LRMDA: variants seen among roughly 807,000 people sequenced by gnomAD.
LRMDA encodes the protein leucine-rich melanocyte differentiation-associated protein.
LRMDA carries 18 observed loss-of-function variants against 29.8 expected under a neutral mutation model. The ratio of observed to expected loss-of-function variants is 0.60; its 90% CI spans 0.42 to 0.90. LRMDA has a LOEUF of 0.90. Ranked by LOEUF, LRMDA falls within the 40% of genes least tolerant of loss-of-function variation. The pLI is 0.00. For synonymous variants in LRMDA, 125 were observed against 109.4 expected, an observed-to-expected ratio of 1.14 and a Z score of -0.89; for missense variants, 273 against 273.9, an observed-to-expected ratio of 1.00 and a Z score of 0.02.
At chr10:75,597,549 A>G (rs891155301) in intron 2 of LRMDA, among the ~76,000 whole-genome samples, 7 of 152,174 alleles carry the variant, frequency 4.6e-5, no homozygotes, top group Non-Finnish European at 7.3e-5. Context: ...TGAGCACGGG[A>G]GAGAAAAAAG....
Position 76,012,184 on chromosome 10 carries a change from G to A in LRMDA, c.132-23824G>A, listed in dbSNP as rs551875640. ...AACATTGGGCTTCTGTTTACCGGTT[G>A]TTCAAGCCCTTGGTCTGCACTGGGT... On this transcript the variant is annotated intron_variant, in intron 2 of 6. Transcript: ENST00000611255. Among the ~76,000 whole-genome samples, 13 of 152,320 alleles carry A rather than the reference G, an allele frequency of 8.5e-5. No homozygotes were observed. The South Asian group carries it at 2.7e-3, about 32-fold the overall frequency.
At chr10:76,348,333 A>C (rs1160203547) in intron 6 of LRMDA, among the ~76,000 whole-genome samples, 1 of 152,202 alleles carries the variant, frequency 6.6e-6, no homozygotes, top group African/African-American at 2.4e-5. Flanking sequence ...GTAGAGCTAG[A>C]AGGATGTATT....
chr10:76,389,981 T>G (rs1841703869), intron 6 of LRMDA, among the ~76,000 whole-genome samples: 1 of 152,170 alleles, frequency 6.6e-6, no homozygotes, highest in African/African-American at 2.4e-5. Context: ...GAGACCTTGT[T>G]TCCGATTCTT....
chr10:76,202,881 C>T (rs1441336975), intron 5 of LRMDA, among the ~76,000 whole-genome samples: 1 of 152,072 alleles, frequency 6.6e-6, no homozygotes, highest in African/African-American at 2.4e-5. Flanking sequence ...TGACAGTTAT[C>T]CCTGTTCCCT....
intron 5 of LRMDA, among the ~76,000 whole-genome samples, chr10:76,260,612 G>C (rs575472206): frequency 6.6e-6 from 1 of 152,032 alleles, no homozygotes; most frequent in Non-Finnish European, 1.5e-5. Flanking sequence ...CTGTTTTTAG[G>C]ATTCAATCTT....
intron 2 of LRMDA, among the ~76,000 whole-genome samples, chr10:75,976,375 C>G (rs1186066767): frequency 6.6e-6 from 1 of 152,230 alleles, no homozygotes; most frequent in Non-Finnish European, 1.5e-5. Context: ...ACTCATATAA[C>G]CCACTTATAA....
At chr10:76,292,204 A>G (rs1197663342) in intron 5 of LRMDA, among the ~76,000 whole-genome samples, 3 of 152,182 alleles carry the variant, frequency 2.0e-5, no homozygotes, top group African/African-American at 7.2e-5. Flanking sequence ...CTATCTGTAC[A>G]ACATATATTA....
At chr10:76,483,210 T>C (rs1256456918) in intron 6 of LRMDA, among the ~76,000 whole-genome samples, 1 of 151,998 alleles carries the variant, frequency 6.6e-6, no homozygotes, top group African/African-American at 2.4e-5. Flanking sequence ...TTAATTTTAA[T>C]GTAGCACAAT....
intron 6 of LRMDA, among the ~76,000 whole-genome samples, chr10:76,339,220 A>C (rs1372066470): frequency 6.6e-6 from 1 of 151,760 alleles, no homozygotes; most frequent in African/African-American, 2.4e-5. Context: ...ACCATAACTA[A>C]GTCAAATTAG....
intron 2 of LRMDA, among the ~76,000 whole-genome samples, chr10:75,814,591 AT>A (rs140464375): frequency 0.16 from 24,539 of 152,144 alleles, 2,172 homozygotes; most frequent in Admixed American, 0.22. Context: ...CACCTGAAAC[AT>A]TCATGTTCTT....
At chr10:76,381,636 A>C (rs910972302) in intron 6 of LRMDA, among the ~76,000 whole-genome samples, 1 of 152,174 alleles carries the variant, frequency 6.6e-6, no homozygotes, top group African/African-American at 2.4e-5. Flanking sequence ...GTGCTTACAA[A>C]AGAATATCCC....
intron 2 of LRMDA, among the ~76,000 whole-genome samples, chr10:75,666,400 G>A (rs147019013): frequency 2.0e-5 from 3 of 148,862 alleles, no homozygotes; most frequent in Admixed American, 6.7e-5. Context: ...TTTGAATTTT[G>A]TATATAGTTA....
intron 2 of LRMDA, among the ~76,000 whole-genome samples, chr10:75,963,175 C>G (rs1312126491): frequency 6.6e-6 from 1 of 152,100 alleles, no homozygotes; most frequent in African/African-American, 2.4e-5. Context: ...TGACAGGAAC[C>G]AAAGTTTACT....
chr10:75,679,542 G>T (rs1210685663), intron 2 of LRMDA, among the ~76,000 whole-genome samples: 1 of 152,080 alleles, frequency 6.6e-6, no homozygotes, highest in Admixed American at 6.6e-5. Context: ...ATTATTCTGG[G>T]GCTGGCCATG....
intron 6 of LRMDA, among the ~76,000 whole-genome samples, chr10:76,356,069 G>A (rs765504614): frequency 7.2e-5 from 11 of 152,124 alleles, no homozygotes; most frequent in Non-Finnish European, 1.3e-4. Flanking sequence ...CTAAAATCTA[G>A]AATTGATCTG....
intron 2 of LRMDA, among the ~76,000 whole-genome samples, chr10:75,976,827 G>A (rs1012633697): frequency 2.0e-5 from 3 of 152,202 alleles, no homozygotes; most frequent in Non-Finnish European, 4.4e-5. Flanking sequence ...AGGCTCCAGA[G>A]CATGTGTTCC....
At chr10:75,542,908 C>A (rs528222370) in intron 2 of LRMDA, among the ~76,000 whole-genome samples, 24 of 152,324 alleles carry the variant, frequency 1.6e-4, no homozygotes, top group African/African-American at 5.5e-4. Context: ...GCGCAGCCTG[C>A]CTGTGTGCTG....
intron 2 of LRMDA, among the ~76,000 whole-genome samples, chr10:76,029,623 A>T (rs1361239240): frequency 6.6e-6 from 1 of 152,186 alleles, no homozygotes; most frequent in Non-Finnish European, 1.5e-5. Context: ...TTCAAGTAAC[A>T]TTAACTCCAA....
At chr10:75,948,825 C>T (rs1252896349) in intron 2 of LRMDA, among the ~76,000 whole-genome samples, 6 of 151,864 alleles carry the variant, frequency 4.0e-5, no homozygotes, top group South Asian at 2.1e-4. Flanking sequence ...TGTTGGTGTC[C>T]GGTTGGTGAT....
Sources: allele counts gnomAD v4.1 joint callset (sites outside exome capture counted in the v4.1 genomes callset), GRCh38; gene constraint gnomAD v4.1.1; transcripts MANE v1.5; gene names NCBI Gene and HGNC (gene_info 2026-07-23, HGNC 2026-07-21).